Variants in PPFIA2 observed in about 807,000 individuals in gnomAD.
PPFIA2 encodes liprin-alpha-2.
A neutral mutation model predicts 175.5 loss-of-function variants in PPFIA2; 46 were observed. The observed-to-expected ratio is 0.26, with a 90% confidence interval of 0.21 to 0.34. The LOEUF (loss-of-function observed/expected upper bound fraction) is 0.34, where lower values mean the gene tolerates loss of function less well. Ranked by LOEUF, PPFIA2 falls within the 10% of genes least tolerant of loss-of-function variation. The pLI, the probability that PPFIA2 is intolerant of heterozygous loss-of-function variation, is 1.00. For missense variants in PPFIA2, 1,179 were observed against 1,506.1 expected, an observed-to-expected ratio of 0.78 and a Z score of 3.60; for synonymous variants, 568 against 511.4, an observed-to-expected ratio of 1.11 and a Z score of -1.49.
intron 27 of PPFIA2, among the ~76,000 whole-genome samples, chr12:81,278,041 A>G (rs2041004550): frequency 6.6e-6 from 1 of 152,212 alleles, no homozygotes; most frequent in Non-Finnish European, 1.5e-5. Context: ...CATCATGAAC[A>G]AAAGATTGCA....
chr12:81,274,558 T>G (rs2136582008), intron 28 of PPFIA2, among the ~76,000 whole-genome samples: 1 of 151,998 alleles, frequency 6.6e-6, no homozygotes, highest in East Asian at 1.9e-4. Flanking sequence ...TCCATAAATC[T>G]GTTTCCAAGC....
intron 4 of PPFIA2, among the ~76,000 whole-genome samples, chr12:81,511,235 T>C (rs553150924): frequency 2.0e-5 from 3 of 152,216 alleles, no homozygotes; most frequent in African/African-American, 7.2e-5. Flanking sequence ...TCAAGAGACA[T>C]CATTTACATT....
intron 8 of PPFIA2, among the ~76,000 whole-genome samples, chr12:81,403,809 G>A (rs534811824): frequency 1.3e-5 from 2 of 152,120 alleles, no homozygotes; most frequent in South Asian, 2.1e-4. Context: ...CGTGCATGCA[G>A]ACAGCCCACC....
chr12:81,476,414 C>T (rs1057455170), intron 4 of PPFIA2, among the ~76,000 whole-genome samples: 1 of 152,152 alleles, frequency 6.6e-6, no homozygotes, highest in Admixed American at 6.5e-5. Context: ...CAAGCCATTG[C>T]AGAATCATCC....
intron 12 of PPFIA2, 43 bp downstream of exon 12, chr12:81,369,068 C>A (rs2034377008): frequency 1.4e-6 from 2 of 1,481,436 alleles, no homozygotes; most frequent in South Asian, 1.2e-5. Context: ...AATACGAATT[C>A]ATAAACCAAT....
At position 81,357,938 on chromosome 12, in the gene PPFIA2, T is replaced by A; in HGVS notation, c.1773+144A>T. ...CATAGTAGGGGCTTTATGTTACTTA[T>A]AGTTTTTTTAAAAATGTCATACTCT... On this transcript the variant is annotated intron_variant, in intron 16 of 32. Coordinates refer to ENST00000549396, the MANE Select transcript of PPFIA2 (RefSeq NM_003625.5). 3.6e-6 allele frequency: 3 copies of A among 828,038 alleles called. No individual in the cohort carries two copies. The South Asian group carries it at 7.1e-5, about 20-fold the overall frequency. The allele number at this position is 828,038 out of a possible 1,614,324, so 51.3% of individuals were successfully genotyped here.
chr12:81,587,904 T>G (rs1363300444), intron 4 of PPFIA2, among the ~76,000 whole-genome samples: 1 of 152,046 alleles, frequency 6.6e-6, no homozygotes, highest in Non-Finnish European at 1.5e-5. Context: ...AAACTAATTT[T>G]AGTCTAAAAT....
chr12:81,638,891 T>C (rs570403707), intron 4 of PPFIA2, among the ~76,000 whole-genome samples: 2 of 150,934 alleles, frequency 1.3e-5, no homozygotes, highest in Non-Finnish European at 3.0e-5. Flanking sequence ...GTTTCACCGT[T>C]TTAGCCGGGA....
Position 81,438,235 on chromosome 12 carries a change from C to T in PPFIA2, c.645+1737G>A, listed in dbSNP as rs140913035. ...GTGTAATCCCAGCACTTTGGGAGGC[C>T]GAGGCAGGCGAATCACTAGGTTAGG... On this transcript the variant is annotated intron_variant, in intron 7 of 32. Transcript: ENST00000549396. Among the ~76,000 whole-genome samples the T allele has an allele frequency of 1.3e-3, 203 of 152,212 alleles. 1 individual carries two copies. Among genetic ancestry groups the T allele is most frequent in the East Asian group, 8.9e-3 (46 of 5,186 alleles).
At chr12:81,306,101 T>C (rs1167324790) in intron 22 of PPFIA2, among the ~76,000 whole-genome samples, 1 of 152,216 alleles carries the variant, frequency 6.6e-6, no homozygotes, top group East Asian at 1.9e-4. Context: ...TTGATGCCTG[T>C]CATTTTCCCC....
intron 5 of PPFIA2, among the ~76,000 whole-genome samples, chr12:81,455,718 A>G (rs2053458765): frequency 6.6e-6 from 1 of 152,194 alleles, no homozygotes; most frequent in Non-Finnish European, 1.5e-5. Context: ...TGGTGGTCTG[A>G]CTGTTAAGCA....
At chr12:81,430,947 A>C (rs1479662692) in intron 7 of PPFIA2, 1 of 152,230 alleles carries the variant, frequency 6.6e-6, no homozygotes, top group East Asian at 1.9e-4. Flanking sequence ...TTAGGAAAAT[A>C]GACTTCAGAG....
chr12:81,662,480 A>G (rs1231388966), intron 4 of PPFIA2, among the ~76,000 whole-genome samples: 1 of 152,040 alleles, frequency 6.6e-6, no homozygotes, highest in Non-Finnish European at 1.5e-5. Context: ...CGACACATAC[A>G]CCCTCCCAAG....
chr12:81,455,327 T>G (rs1160737262), intron 5 of PPFIA2, among the ~76,000 whole-genome samples: 2 of 152,310 alleles, frequency 1.3e-5, no homozygotes, highest in East Asian at 3.9e-4. Flanking sequence ...TAATTAATAC[T>G]GTGTACAAGG....
intron 4 of PPFIA2, among the ~76,000 whole-genome samples, chr12:81,511,286 CT>C (rs2061762549): frequency 6.6e-6 from 1 of 152,084 alleles, no homozygotes; most frequent in African/African-American, 2.4e-5. Flanking sequence ...CCTCTCACCA[CT>C]GCCAACAGAC....
At chr12:81,647,453 G>A (rs576573889) in intron 4 of PPFIA2, among the ~76,000 whole-genome samples, 23 of 152,060 alleles carry the variant, frequency 1.5e-4, no homozygotes, top group East Asian at 7.7e-4. Context: ...CAGAAAAATC[G>A]TAGTAAAATT....
At chr12:81,634,246 T>A (rs991109925) in intron 4 of PPFIA2, among the ~76,000 whole-genome samples, 2 of 152,026 alleles carry the variant, frequency 1.3e-5, no homozygotes, top group African/African-American at 4.8e-5. Context: ...GAGCTAAGGG[T>A]TTAAAAATGT....
chr12:81,264,173 A>G (rs191615137), intron 30 of PPFIA2, among the ~76,000 whole-genome samples: 1 of 152,298 alleles, frequency 6.6e-6, no homozygotes, highest in Admixed American at 6.5e-5. Flanking sequence ...CATACCCCAC[A>G]TAGGCTAGTG....
At chr12:81,643,143 C>G (rs2065581772) in intron 4 of PPFIA2, among the ~76,000 whole-genome samples, 1 of 150,116 alleles carries the variant, frequency 6.7e-6, no homozygotes, top group South Asian at 2.1e-4. Flanking sequence ...ATCCAAATTA[C>G]TTAAAATATC....
Sources: allele counts gnomAD v4.1 joint callset (sites outside exome capture counted in the v4.1 genomes callset), GRCh38; gene constraint gnomAD v4.1.1; transcripts MANE v1.5; gene names NCBI Gene and HGNC (gene_info 2026-07-23, HGNC 2026-07-21).